The following KIAA1549L variants were observed in gnomAD, a reference collection of about 807,000 sequenced individuals.
KIAA1549L encodes UPF0606 protein KIAA1549L.
Under a neutral mutation model 160.7 loss-of-function variants are expected in KIAA1549L, and 88 were observed. The observed-to-expected ratio is 0.55, with a 90% CI of 0.46 to 0.65. The LOEUF (loss-of-function observed/expected upper bound fraction) is 0.65, where lower values mean the gene tolerates loss of function less well. Ranked by LOEUF, KIAA1549L falls within the 30% of genes least tolerant of loss-of-function variation. KIAA1549L has a pLI of 0.00. For synonymous variants in KIAA1549L, 950 were observed against 976.7 expected (o/e 0.97, Z 0.51); for missense variants, 2,258 against 2,437.5 (o/e 0.93, Z 1.55).
intron 1 of KIAA1549L, among the ~76,000 whole-genome samples, chr11:33,383,918 A>G (rs1850122541): frequency 6.6e-6 from 1 of 152,258 alleles, no homozygotes; most frequent in Admixed American, 6.5e-5. Flanking sequence ...CATGCAGTAC[A>G]AAGAGAACAC....
intron 1 of KIAA1549L, among the ~76,000 whole-genome samples, chr11:33,468,351 A>G: frequency 6.6e-6 from 1 of 152,224 alleles, no homozygotes; most frequent in South Asian, 2.1e-4. Context: ...AGGGTGTCAC[A>G]AAGTTTTGAA....
At chr11:33,454,991 A>G (rs1002011654) in intron 1 of KIAA1549L, among the ~76,000 whole-genome samples, 1 of 152,200 alleles carries the variant, frequency 6.6e-6, no homozygotes, top group Non-Finnish European at 1.5e-5. Flanking sequence ...CGGGAGGCTG[A>G]GGCAGGAGAA....
intron 1 of KIAA1549L, among the ~76,000 whole-genome samples, chr11:33,447,551 C>T (rs184111881): frequency 7.0e-6 from 1 of 142,522 alleles, no homozygotes; most frequent in Non-Finnish European, 1.5e-5. Flanking sequence ...CCCATGCGTG[C>T]ATGCATGCAT....
intron 16 of KIAA1549L, among the ~76,000 whole-genome samples, chr11:33,632,821 C>T (rs1395008976): frequency 6.6e-6 from 1 of 152,024 alleles, no homozygotes; most frequent in East Asian, 1.9e-4. Flanking sequence ...GCCTAGAACT[C>T]CTGGCTTTGA....
Position 33,542,799 on chromosome 11 carries a change from G to T in KIAA1549L, c.1236G>T (p.Ala412=), listed in dbSNP as rs766826744. The change falls in exon 2 of 21, where the codon GCG becomes GCT. Residue 412 remains alanine, a synonymous_variant. Transcript: ENST00000658780. ...SLPTFKNTET[A]THEAEPPLFQ... is the part of the protein sequence containing the mutation. ...CAACTTTTAAGAATACAGAAACAGC[G>T]ACCCATGAGGCTGAGCCTCCACTTT... The T allele has an allele frequency of 2.0e-5, 32 of 1,613,790 alleles. No individual in the cohort carries two copies. The highest frequency in any genetic ancestry group is 2.6e-5 in the Non-Finnish European group (31 of 1,179,860).
chr11:33,449,501 C>G (rs1425690512), intron 1 of KIAA1549L, among the ~76,000 whole-genome samples: 2 of 152,174 alleles, frequency 1.3e-5, no homozygotes, highest in East Asian at 1.9e-4. Context: ...CTACCCCAGA[C>G]CTCTTAGTTC....
In KIAA1549L at chr11:33,593,566, GA is replaced by G. The variant is rs142608162; in HGVS notation, c.4751+2146del. 1.9e-4 allele frequency among the ~76,000 whole-genome samples: 29 copies of G among 152,332 alleles called. No individual in the cohort carries two copies. In the East Asian group the frequency reaches 5.6e-3, roughly 29 times the overall value. ...GGCTACTGCCGTGACCTAGGTGAGA[GA>G]CGATCGTGTCATGGGATGGTGTGAG... On this transcript the variant is annotated intron_variant, in intron 12 of 20. Transcript: ENST00000658780.
chr11:33,606,173 A>C (rs1253547287), intron 13 of KIAA1549L, among the ~76,000 whole-genome samples: 1 of 152,216 alleles, frequency 6.6e-6, no homozygotes, highest in Non-Finnish European at 1.5e-5. Flanking sequence ...CTTGTTGACC[A>C]AGAAAGACTT....
At chr11:33,607,423 TTAGA>T (rs751870114) in intron 14 of KIAA1549L, among the ~76,000 whole-genome samples, 2 of 151,934 alleles carry the variant, frequency 1.3e-5, no homozygotes, top group South Asian at 2.1e-4. Flanking sequence ...TCAAAGAAAA[TTAGA>T]TAGATAGATG....
intron 1 of KIAA1549L, among the ~76,000 whole-genome samples, chr11:33,510,522 T>G (rs1404713011): frequency 2.0e-5 from 3 of 152,200 alleles, no homozygotes; most frequent in Non-Finnish European, 4.4e-5. Context: ...CAGGACTGTT[T>G]GTCTCTGAAG....
At chr11:33,592,003 C>T (rs1027708466) in intron 12 of KIAA1549L, among the ~76,000 whole-genome samples, 6 of 152,156 alleles carry the variant, frequency 3.9e-5, no homozygotes, top group Non-Finnish European at 5.9e-5. Flanking sequence ...TAATTCTGAA[C>T]AGGGAAAACC....
chr11:33,592,311 C>T (rs1323019480), intron 12 of KIAA1549L, among the ~76,000 whole-genome samples: 1 of 152,080 alleles, frequency 6.6e-6, no homozygotes, highest in East Asian at 1.9e-4. Flanking sequence ...TGATGTTAGC[C>T]TATATGTTAG....
intron 20 of KIAA1549L, among the ~76,000 whole-genome samples, chr11:33,665,804 G>A (rs948930561): frequency 1.3e-5 from 2 of 152,148 alleles, no homozygotes; most frequent in Non-Finnish European, 2.9e-5. Flanking sequence ...AGAAATCAGA[G>A]CCCCTACAGG....
intron 1 of KIAA1549L, among the ~76,000 whole-genome samples, chr11:33,437,694 A>G (rs772405925): frequency 2.6e-5 from 4 of 152,060 alleles, no homozygotes; most frequent in Non-Finnish European, 5.9e-5. Flanking sequence ...GCCTCCCTTT[A>G]CTAGCCTGCA....
In KIAA1549L at chr11:33,667,988, A is replaced by G; in HGVS notation, c.6275A>G (p.Gln2092Arg). Reference protein sequence around the residue: ...QPANLHPSLEQAPAPSTAASQ... With the variant: ...QPANLHPSLERAPAPSTAASQ... Reference sequence around the variant, plus strand: ...GCCAACCTGCACCCCAGCCTGGAGCAGGCCCCGGCGCCCTCCACAGCGGCC... The same window carrying G: ...GCCAACCTGCACCCCAGCCTGGAGCGGGCCCCGGCGCCCTCCACAGCGGCC... Residue 2092 changes from glutamine to arginine, a missense_variant, in exon 21 of 21, where the codon CAG becomes CGG. Physicochemically the swap from Gln to Arg is conservative, Grantham distance 43. This residue lies in a region of KIAA1549L where 1,359 missense variants were observed against 1,546.6 expected (regional missense o/e 0.88). Transcript: ENST00000658780. 1 of 1,613,926 alleles carries G rather than the reference A, an allele frequency of 6.2e-7. No homozygotes were observed. Among genetic ancestry groups the G allele is most frequent in the Non-Finnish European group, 8.5e-7 (1 of 1,179,892 alleles).
chr11:33,411,570 ATTTG>A (rs1850786874), intron 1 of KIAA1549L, among the ~76,000 whole-genome samples: 1 of 152,024 alleles, frequency 6.6e-6, no homozygotes, highest in African/African-American at 2.4e-5. Flanking sequence ...GCCCAACCTT[ATTTG>A]TTTGTTTGTT....
intron 1 of KIAA1549L, among the ~76,000 whole-genome samples, chr11:33,380,309 C>A (rs554772118): frequency 1.3e-5 from 2 of 152,266 alleles, no homozygotes; most frequent in South Asian, 4.2e-4. Flanking sequence ...CACTCCTGTT[C>A]CTCCTGCTTG....
At chr11:33,563,460 T>G (rs180960792) in intron 8 of KIAA1549L, among the ~76,000 whole-genome samples, 1 of 151,334 alleles carries the variant, frequency 6.6e-6, no homozygotes, top group Non-Finnish European at 1.5e-5. Context: ...AGCAGCCTGG[T>G]CCCAAACCTC....
At chr11:33,655,909 T>C in intron 17 of KIAA1549L, 103 bp from the exon 18 acceptor site, 1 of 763,364 alleles carries the variant, frequency 1.3e-6, no homozygotes. Flanking sequence ...GGAGGCAGAG[T>C]CTGACCCTTG....
Sources: allele counts gnomAD v4.1 joint callset (sites outside exome capture counted in the v4.1 genomes callset), GRCh38; gene constraint gnomAD v4.1.1; regional missense constraint gnomAD v4.1.1; transcripts MANE v1.5; gene names NCBI Gene and HGNC (gene_info 2026-07-23, HGNC 2026-07-21).